The following GADL1 variants were observed in gnomAD, a reference collection of about 807,000 sequenced individuals.
GADL1 encodes the protein GAD like acidic amino acid decarboxylase 1, also known as acidic amino acid decarboxylase GADL1.
GADL1 carries 71 observed loss-of-function variants against 69.5 expected under a neutral mutation model. That is an observed-to-expected ratio of 1.02 (90% CI 0.84 to 1.25). The LOEUF (loss-of-function observed/expected upper bound fraction) is 1.25, where lower values mean the gene tolerates loss of function less well. Among genes scored for constraint, GADL1 ranks in the 50% most tolerant of loss-of-function variants. The probability of loss-of-function intolerance (pLI) is 0.00; values close to 1 mark genes in which losing one functional copy is unlikely to be tolerated. For missense variants in GADL1, 737 were observed against 631.8 expected (o/e 1.17, Z -1.79); for synonymous variants, 254 against 214.4 (o/e 1.18, Z -1.62).
intron 9 of GADL1, among the ~76,000 whole-genome samples, 167 bp from the exon 10 acceptor site, chr3:30,834,448 A>C (rs544836615): frequency 2.8e-4 from 42 of 152,174 alleles, no homozygotes; most frequent in African/African-American, 9.9e-4. Context: ...GGCTCTACTC[A>C]GGCAACCAGA....
In GADL1 at chr3:30,727,574, G is replaced by A. The variant is rs1281270278; in HGVS notation, c.*668C>T. 1 of 152,004 alleles carries A rather than the reference G, an allele frequency of 6.6e-6. No homozygotes were observed. Among genetic ancestry groups the A allele is most frequent in the African/African-American group, 2.4e-5 (1 of 41,398 alleles). The allele number at this position is 152,004 out of a possible 1,614,324, so 9.4% of individuals were successfully genotyped here. A position where few individuals can be genotyped will look rare whatever the true frequency, so the allele number is the denominator to read the frequency against. On this transcript the variant is annotated 3_prime_UTR_variant, in exon 15 of 15. Coordinates refer to ENST00000282538, the MANE Select transcript of GADL1 (RefSeq NM_207359.3). The stretch of plus-strand genomic sequence containing the variant: ...AAAATAGCTTTGACATGCTTCTGAT[G>A]TCCTTAAATATTTGTGCTGCAGATG...
intron 13 of GADL1, among the ~76,000 whole-genome samples, chr3:30,785,090 G>A (rs982307922): frequency 1.1e-4 from 17 of 151,808 alleles, no homozygotes; most frequent in African/African-American, 3.4e-4. Flanking sequence ...CAAATAAGCC[G>A]TCCCCATTTC....
At chr3:30,767,178 C>G (rs552445164) in intron 14 of GADL1, among the ~76,000 whole-genome samples, 4 of 152,230 alleles carry the variant, frequency 2.6e-5, no homozygotes, top group African/African-American at 9.6e-5. Context: ...GTAACTTGTT[C>G]ATGGTCATGC....
intron 14 of GADL1, among the ~76,000 whole-genome samples, chr3:30,770,449 A>G (rs1292145998): frequency 6.6e-6 from 1 of 152,226 alleles, no homozygotes; most frequent in Non-Finnish European, 1.5e-5. Context: ...CCGTACAGAG[A>G]ATAGTATACT....
At chr3:30,826,112 C>A (rs2125520025) in intron 11 of GADL1, among the ~76,000 whole-genome samples, 1 of 151,946 alleles carries the variant, frequency 6.6e-6, no homozygotes, top group African/African-American at 2.4e-5. Context: ...TTCCTTTAAT[C>A]TTATGTCTCT....
intron 14 of GADL1, among the ~76,000 whole-genome samples, chr3:30,775,572 A>AT (rs11463137): frequency 0.15 from 22,163 of 152,052 alleles, 4,268 homozygotes; most frequent in African/African-American, 0.43. Context: ...TGCAGCATGC[A>AT]TTTTTTCTAT....
At chr3:30,734,850 T>C (rs13086146) in intron 14 of GADL1, among the ~76,000 whole-genome samples, 48,974 of 152,000 alleles carry the variant, frequency 0.32, 8,714 homozygotes, top group African/African-American at 0.47. Context: ...TTTGATTATC[T>C]TTCATCATAT....
At chr3:30,779,007 C>G (rs1344919764) in intron 13 of GADL1, 1 of 152,130 alleles carries the variant, frequency 6.6e-6, no homozygotes, top group Admixed American at 6.5e-5. Flanking sequence ...CTATCAGAAA[C>G]TCTCATCTAC....
intron 14 of GADL1, among the ~76,000 whole-genome samples, chr3:30,767,587 C>T (rs1575194364): frequency 6.6e-6 from 1 of 152,092 alleles, no homozygotes; most frequent in Non-Finnish European, 1.5e-5. Flanking sequence ...ATAACTTCTA[C>T]ATGGATTAAG....
intron 12 of GADL1, among the ~76,000 whole-genome samples, chr3:30,794,133 C>T (rs186643780): frequency 9.3e-4 from 141 of 152,318 alleles, no homozygotes; most frequent in African/African-American, 3.3e-3. Context: ...CATTGTGTAA[C>T]TGCTCACCTT....
chr3:30,844,329 A>G, intron 7 of GADL1, 58 bp downstream of exon 7: 2 of 1,556,302 alleles, frequency 1.3e-6, no homozygotes, highest in Non-Finnish European at 1.8e-6. Flanking sequence ...ATACTGCTTT[A>G]TAAACCATAT....
chr3:30,864,412 T>C (rs1481683617), intron 1 of GADL1, among the ~76,000 whole-genome samples: 5 of 151,752 alleles, frequency 3.3e-5, no homozygotes, highest in Non-Finnish European at 7.4e-5. Context: ...AAATAAAAAA[T>C]GTCAACACCC....
intron 14 of GADL1, among the ~76,000 whole-genome samples, chr3:30,734,699 C>A (rs930672536): frequency 6.6e-6 from 1 of 152,120 alleles, no homozygotes; most frequent in East Asian, 1.9e-4. Flanking sequence ...AAATTGCTAA[C>A]CCACAATATA....
intron 2 of GADL1, 95 bp downstream of exon 2, chr3:30,861,498 C>G (rs188919007): frequency 7.2e-5 from 60 of 833,258 alleles, no homozygotes; most frequent in East Asian, 7.1e-4. Flanking sequence ...GAAATAAAAA[C>G]TTGGCCTTCC....
chr3:30,744,683 C>A (rs1165829132), intron 14 of GADL1, among the ~76,000 whole-genome samples: 1 of 152,162 alleles, frequency 6.6e-6, no homozygotes, highest in Non-Finnish European at 1.5e-5. Flanking sequence ...CACCGCACTC[C>A]AGCCTGGGCA....
intron 12 of GADL1, among the ~76,000 whole-genome samples, chr3:30,791,504 C>G (rs1696915060): frequency 6.6e-6 from 1 of 152,122 alleles, no homozygotes. Context: ...CAAGTTATGG[C>G]TACACAAAAC....
At chr3:30,733,721 G>C (rs1414075590) in intron 14 of GADL1, among the ~76,000 whole-genome samples, 1 of 150,128 alleles carries the variant, frequency 6.7e-6, no homozygotes, top group Admixed American at 6.7e-5. Context: ...TTTGTAGTTT[G>C]GGGTCATCTT....
Position 30,801,022 on chromosome 3 carries a change from C to T in GADL1, c.1117G>A (p.Val373Met), listed in dbSNP as rs1204599526. The change falls in exon 12 of 15, where the codon GTG becomes ATG. Residue 373 changes from valine to methionine, a missense_variant. Coordinates refer to ENST00000282538, the MANE Select transcript of GADL1 (RefSeq NM_207359.3). ...GACTTGTCTCCTGTGTCATAGCTCACATCATAGAATTTATCCTGCTGGAAG... is the reference window on the plus strand; with the variant it reads ...GACTTGTCTCCTGTGTCATAGCTCATATCATAGAATTTATCCTGCTGGAAG... ...YLFQQDKFYD[V>M]SYDTGDKSIQ... 3 of 1,613,030 alleles carry T rather than the reference C, an allele frequency of 1.9e-6. No homozygotes were observed. The highest frequency in any genetic ancestry group is 1.7e-6 in the Non-Finnish European group (2 of 1,179,846).
At position 30,856,997 on chromosome 3, in the gene GADL1, GT is replaced by G; in HGVS notation, c.337+17del. On this transcript the variant is annotated intron_variant, in intron 3 of 14. Coordinates refer to ENST00000282538, the MANE Select transcript of GADL1 (RefSeq NM_207359.3). Reference sequence around the variant, plus strand: ...CTTGTCAGAGGTACAGATCAAGGAAGTAAATTAAAGTTCTTACTAGTTTTGA... The same window carrying G: ...CTTGTCAGAGGTACAGATCAAGGAAGAAATTAAAGTTCTTACTAGTTTTGA... The G allele has an allele frequency of 6.5e-7, 1 of 1,543,408 alleles. No individual in the cohort carries two copies. Among genetic ancestry groups the G allele is most frequent in the Non-Finnish European group, 8.8e-7 (1 of 1,140,246 alleles).
Sources: allele counts gnomAD v4.1 joint callset (sites outside exome capture counted in the v4.1 genomes callset), GRCh38; gene constraint gnomAD v4.1.1; transcripts MANE v1.5; gene names NCBI Gene and HGNC (gene_info 2026-07-23, HGNC 2026-07-21).